Variants in PEMT observed in about 807,000 individuals in gnomAD.
PEMT encodes the protein phospholipid methyltransferase.
A neutral mutation model predicts 27.4 loss-of-function variants in PEMT; 23 were observed. That is an observed-to-expected ratio of 0.84 (90% confidence interval 0.60 to 1.19). The LOEUF (loss-of-function observed/expected upper bound fraction) is 1.19. Ranked by LOEUF, PEMT falls within the 50% of genes most tolerant of loss-of-function variation. The pLI is 0.00. For missense variants in PEMT, 307 were observed against 310.1 expected, an observed-to-expected ratio of 0.99 and a Z score of 0.07; for synonymous variants, 137 against 139.1, an observed-to-expected ratio of 0.98 and a Z score of 0.11.
intron 2 of PEMT, among the ~76,000 whole-genome samples, chr17:17,571,388 G>A (rs1445512910): frequency 6.6e-6 from 1 of 152,072 alleles, no homozygotes; most frequent in Non-Finnish European, 1.5e-5. Context: ...AGAAGGCCGG[G>A]AAAGCCTCCC....
At chr17:17,510,666 C>A (rs1906300701) in intron 4 of PEMT, among the ~76,000 whole-genome samples, 2 of 152,222 alleles carry the variant, frequency 1.3e-5, no homozygotes, top group African/African-American at 4.8e-5. Flanking sequence ...CGCTGCTGGT[C>A]CTCGGTGTTT....
At chr17:17,580,633 C>T (rs1338391837) in intron 1 of PEMT, among the ~76,000 whole-genome samples, 1 of 152,188 alleles carries the variant, frequency 6.6e-6, no homozygotes, top group Non-Finnish European at 1.5e-5. Flanking sequence ...TATCTCCCTG[C>T]ATGTGCACAG....
Position 17,577,130 on chromosome 17 carries a change from C to G in PEMT, c.97-103G>C. 3.7e-6 allele frequency: 3 copies of G among 818,014 alleles called. No homozygotes were observed. In the South Asian group the frequency reaches 4.3e-5, roughly 12 times the overall value. The allele number at this position is 818,014 out of a possible 1,614,324, so 50.7% of individuals were successfully genotyped here. A position where few individuals can be genotyped will look rare whatever the true frequency, so the allele number is the denominator to read the frequency against. On this transcript the variant is annotated intron_variant, in intron 1 of 6. Coordinates refer to ENST00000255389, the MANE Select transcript of PEMT (RefSeq NM_148172.3). ...ACCCTCTGGGAACACACTGGGAGGC[C>G]TGGGAACATCCAAGTCCGGCAAAGG...
At position 17,507,083 on chromosome 17, in the gene PEMT, C is replaced by T. The variant is rs189379566; in HGVS notation, c.579-782G>A. On this transcript the variant is annotated intron_variant, in intron 5 of 6. Coordinates refer to ENST00000255389, the MANE Select transcript of PEMT (RefSeq NM_148172.3). ...GTAAGCAGCGGCAGCTCGTCAGTGA[C>T]GGCACCAAGGAGCCCGGGCGCAGCT... 8,747 of 1,306,084 alleles carry T rather than the reference C, an allele frequency of 6.7e-3. 43 individuals carry two copies. Among genetic ancestry groups the T allele is most frequent in the Non-Finnish European group, 7.6e-3 (7,088 of 927,200 alleles). The allele number at this position is 1,306,084 out of a possible 1,614,324, so 80.9% of individuals were successfully genotyped here.
At chr17:17,550,826 G>A (rs186842543) in intron 2 of PEMT, among the ~76,000 whole-genome samples, 2 of 152,310 alleles carry the variant, frequency 1.3e-5, no homozygotes, top group African/African-American at 2.4e-5. Flanking sequence ...TGCACATCTC[G>A]GAGATGTGAA....
chr17:17,577,398 G>C, intron 1 of PEMT: 1 of 901,114 alleles, frequency 1.1e-6, no homozygotes, highest in Non-Finnish European at 1.4e-6. Context: ...TAAATGTGAA[G>C]AGATGCTCAA....
chr17:17,551,725 T>C, intron 2 of PEMT, among the ~76,000 whole-genome samples: 1 of 152,140 alleles, frequency 6.6e-6, no homozygotes, highest in South Asian at 2.1e-4. Context: ...CCTGAAAAAG[T>C]GTAGCACCCT....
Position 17,522,349 on chromosome 17 carries a change from C to T in PEMT, c.251G>A (p.Gly84Glu). The stretch of plus-strand genomic sequence containing the variant: ...AGAGTAGCAGGCCAGGTAGGGGGAT[C>T]CGAAGGCCCTGCTCAGCTTGCGGGT... ...HKTRKLSRAF[G>E]SPYLACYSLS... is the part of the protein sequence containing the mutation. Residue 84 changes from glycine (G) to glutamate (E), a missense_variant, in exon 3 of 7, where the codon GGA becomes GAA. Gly to Glu is a moderately conservative substitution (Grantham distance 98). Transcript: ENST00000255389. The T allele has an allele frequency of 6.2e-7, 1 of 1,613,910 alleles. No homozygotes were observed.
chr17:17,507,060 A>T, intron 5 of PEMT: 1 of 1,048,246 alleles, frequency 9.5e-7, no homozygotes, highest in Non-Finnish European at 1.4e-6. Flanking sequence ...CCACACCAGT[A>T]AGCAGCGGCA....
chr17:17,540,249 C>G (rs1908786022), intron 2 of PEMT, among the ~76,000 whole-genome samples: 1 of 152,212 alleles, frequency 6.6e-6, no homozygotes, highest in Non-Finnish European at 1.5e-5. Context: ...CCTCCCTCCC[C>G]CGACAGAAGA....
chr17:17,544,221 G>A (rs1909088488), intron 2 of PEMT, among the ~76,000 whole-genome samples: 1 of 151,950 alleles, frequency 6.6e-6, no homozygotes, highest in Admixed American at 6.6e-5. Flanking sequence ...CAGACAGTGA[G>A]TAACTGGCCC....
At chr17:17,526,536 G>A (rs903481392) in intron 2 of PEMT, among the ~76,000 whole-genome samples, 11 of 152,340 alleles carry the variant, frequency 7.2e-5, no homozygotes, top group African/African-American at 1.9e-4. Context: ...ATGTGAGAGC[G>A]CCCGTCTCTC....
At chr17:17,591,844 C>T, upstream of PEMT, 1 of 1,378,420 alleles carries the variant, frequency 7.3e-7, no homozygotes, top group Non-Finnish European at 9.4e-7. Context: ...AACTACAAGT[C>T]CCAGTGTGTT....
chr17:17,553,826 A>T (rs943478774), intron 2 of PEMT, among the ~76,000 whole-genome samples: 1 of 152,188 alleles, frequency 6.6e-6, no homozygotes, highest in Non-Finnish European at 1.5e-5. Context: ...TCAGTTCCCT[A>T]CTATGTCCTC....
intron 2 of PEMT, among the ~76,000 whole-genome samples, chr17:17,558,695 A>AAC (rs1567723439): frequency 2.4e-5 from 3 of 127,304 alleles, no homozygotes. Context: ...AAAAAAAAAA[A>AAC]AAAACAAAAA....
intron 2 of PEMT, among the ~76,000 whole-genome samples, chr17:17,525,811 G>C (rs1393251702): frequency 6.6e-6 from 1 of 152,182 alleles, no homozygotes; most frequent in African/African-American, 2.4e-5. Context: ...AGGCCAACAT[G>C]GTGAAACCTC....
rs1343250863 is a variant in PEMT at position 17,523,320 on chromosome 17, G to A, written c.205-925C>T. On this transcript the variant is annotated intron_variant, in intron 2 of 6. Coordinates refer to ENST00000255389, the MANE Select transcript of PEMT (RefSeq NM_148172.3). The surrounding 1 kb of genome is among the most constrained non-coding windows in gnomAD (Gnocchi z 4.8). ...CACCTACCTCCACCCCAGCCCCAGC[G>A]ATGACTGCTGCCTGCTCCACTTCCC... 1.3e-5 allele frequency among the ~76,000 whole-genome samples: 2 copies of A among 152,280 alleles called. No homozygotes were observed. Among genetic ancestry groups the A allele is most frequent in the South Asian group, 2.1e-4 (1 of 4,830 alleles).
At chr17:17,591,968 T>G (rs572882671), upstream of PEMT, 2 of 985,470 alleles carry the variant, frequency 2.0e-6, no homozygotes, top group South Asian at 4.7e-5. Flanking sequence ...GTAACTGACC[T>G]GGCGTCCCTG....
intron 3 of PEMT, among the ~76,000 whole-genome samples, chr17:17,514,620 C>G (rs1226548149): frequency 6.6e-6 from 1 of 152,256 alleles, no homozygotes; most frequent in African/African-American, 2.4e-5. Context: ...TGCCCGGGCT[C>G]AGGGTCACCC....
Sources: gnomAD v4.1 joint callset for allele counts (sites outside exome capture counted in the v4.1 genomes callset) on GRCh38, gnomAD v4.1.1 for gene constraint, Gnocchi (gnomAD v3.1) non-coding constraint, MANE v1.5 for transcripts, NCBI Gene and HGNC (gene_info 2026-07-23, HGNC 2026-07-21) for gene names.